TREML1: variants seen among roughly 807,000 people sequenced by gnomAD.
The protein encoded by TREML1 is triggering receptor expressed on myeloid cells like 1, also known as trem-like transcript 1 protein.
In TREML1, 27 loss-of-function variants were observed where a neutral mutation model predicts 22.8. That is an observed-to-expected ratio of 1.19 (90% CI 0.87 to 1.64). The LOEUF is 1.64. TREML1 is among the 40% of genes most tolerant of loss of function. The probability of loss-of-function intolerance (pLI) is 0.00; values close to 1 mark genes in which losing one functional copy is unlikely to be tolerated. For synonymous variants in TREML1, 153 were observed against 161.9 expected (o/e 0.94, Z 0.42); for missense variants, 356 against 382.0 (o/e 0.93, Z 0.57).
intron 2 of TREML1, 57 bp from the exon 3 acceptor site, chr6:41,151,441 G>A: frequency 1.3e-6 from 2 of 1,508,460 alleles, no homozygotes; most frequent in Non-Finnish European, 1.8e-6. Flanking sequence ...TGCCCATATG[G>A]GCAGGCTTCA....
rs1234264268 is a variant in TREML1, at chr6:41,149,932, A to C, written c.622-14T>G. 5.0e-6 allele frequency: 8 copies of C among 1,606,786 alleles called. No homozygotes were observed. The highest frequency in any genetic ancestry group is 6.8e-6 in the Non-Finnish European group (8 of 1,175,714). ...TGAGGAGGGATTCTGTAACAAAAGCAGGCAAGTCAGGAATGCCTCCCTCTG... is the reference window on the plus strand; with the variant it reads ...TGAGGAGGGATTCTGTAACAAAAGCCGGCAAGTCAGGAATGCCTCCCTCTG... On this transcript the variant is annotated splice_polypyrimidine_tract_variant and intron_variant, in intron 5 of 5. Transcript: ENST00000426005.
chr6:41,154,169 A>T, intron 1 of TREML1, 77 bp downstream of exon 1: 1 of 1,589,286 alleles, frequency 6.3e-7, no homozygotes, highest in Non-Finnish European at 8.6e-7. Context: ...TGGGTGTGGC[A>T]TTCACAATAA....
rs1448036323 is a variant in TREML1, at chr6:41,151,687, C to T, written c.377-303G>A. 2.2e-5 allele frequency: 9 copies of T among 401,088 alleles called. 1 individual carries two copies. Among genetic ancestry groups the T allele is most frequent in the South Asian group, 2.0e-4 (8 of 39,604 alleles). 24.8% of individuals were successfully genotyped at this position (401,088 alleles called of 1,614,324 possible). A position where few individuals can be genotyped will look rare whatever the true frequency, so the allele number is the denominator to read the frequency against. ...TTCTTCCCTTTTACCTGCTCTACCC[C>T]TCACCCCTCTGGCCTTATCAAGCTG... On this transcript the variant is annotated intron_variant, in intron 2 of 5. Transcript: ENST00000426005.
intron 5 of TREML1, 146 bp downstream of exon 5, chr6:41,150,115 T>C: frequency 2.9e-6 from 3 of 1,019,264 alleles, no homozygotes; most frequent in Non-Finnish European, 4.3e-6. Context: ...AGACCATTAG[T>C]GTCAAGTTTA....
chr6:41,154,414 A>C (rs1377177250), upstream of TREML1: 1 of 763,236 alleles, frequency 1.3e-6, no homozygotes, highest in African/African-American at 1.7e-5. Context: ...GGGCACCTCC[A>C]GGGGTGGGGA....
In TREML1 at chr6:41,154,317, G is replaced by T. The variant is rs372630277; in HGVS notation, c.-29C>A. On this transcript the variant is annotated 5_prime_UTR_variant, in exon 1 of 6. Transcript: ENST00000426005. ...TGGGCAGAGAAATGTCAACTCCTGG[G>T]CTTGCCTGGGCACTGATGCAGCATT... is the stretch of plus-strand genomic sequence containing the variant. 107 of 1,606,112 alleles carry T rather than the reference G, an allele frequency of 6.7e-5. 1 individual carries two copies. The highest frequency in any genetic ancestry group is 4.3e-6 in the Non-Finnish European group (5 of 1,173,096).
rs1484414252 is a variant in TREML1 at position 41,153,909 on chromosome 6, C to T, written c.225G>A (p.Arg75=). The T allele has an allele frequency of 6.2e-6, 10 of 1,614,100 alleles. No homozygotes were observed. The South Asian group carries it at 6.6e-5, about 11-fold the overall frequency. The part of the protein sequence containing the change: ...SAVDRRAPAG[R]RTFLTDLGGG... ...CACCCAGGTCTGTGAGAAACGTACG[C>T]CTGCCCGCTGGAGCTCTGCGATCCA... The change falls in exon 2 of 6, where the codon AGG becomes AGA. Residue 75 remains arginine (R), a synonymous_variant. Coordinates refer to ENST00000426005, the MANE Select transcript of TREML1 (RefSeq NM_178174.4).
chr6:41,150,410 C>A, intron 4 of TREML1, 97 bp from the exon 5 acceptor site: 3 of 1,134,638 alleles, frequency 2.6e-6, no homozygotes, highest in Non-Finnish European at 3.8e-6. Context: ...AACCTCTTCA[C>A]TACTGCAGAC....
intron 2 of TREML1, among the ~76,000 whole-genome samples, chr6:41,152,439 C>G (rs1265126374): frequency 6.6e-6 from 1 of 152,036 alleles, no homozygotes; most frequent in African/African-American, 2.4e-5. Flanking sequence ...AATTTAGTAA[C>G]TCAAAGTGTC....
Position 41,149,480 on chromosome 6 carries a change from T to G in TREML1, c.*124A>C. ...CACTTTCCCTAGTAAAGTTAGGACATTGGATTAGATCTTAAAGTCCCTGGT... is the reference window on the plus strand; with the variant it reads ...CACTTTCCCTAGTAAAGTTAGGACAGTGGATTAGATCTTAAAGTCCCTGGT... On this transcript the variant is annotated 3_prime_UTR_variant, in exon 6 of 6. Coordinates refer to ENST00000426005, the MANE Select transcript of TREML1 (RefSeq NM_178174.4). 2 of 1,083,096 alleles carry G rather than the reference T, an allele frequency of 1.8e-6. No homozygotes were observed. The highest frequency in any genetic ancestry group is 2.7e-6 in the Non-Finnish European group (2 of 747,082). The allele number at this position is 1,083,096 out of a possible 1,614,324, so 67.1% of individuals were successfully genotyped here.
chr6:41,154,419 T>G, upstream of TREML1: 1 of 744,024 alleles, frequency 1.3e-6, no homozygotes, highest in Admixed American at 2.3e-5. Flanking sequence ...CCTCCAGGGG[T>G]GGGGAAAGGG....
In TREML1 at chr6:41,154,033, A is replaced by G; in HGVS notation, c.101T>C (p.Ile34Thr). 6.2e-7 allele frequency: 1 copy of G among 1,614,132 alleles called. No individual in the cohort carries two copies. The change falls in exon 2 of 6, where the codon ATT becomes ACT. Residue 34 changes from isoleucine (I) to threonine (T), a missense_variant. Physicochemically the swap from Ile to Thr is moderately conservative, Grantham distance 89 (BLOSUM62 -1). Coordinates refer to ENST00000426005, the MANE Select transcript of TREML1 (RefSeq NM_178174.4). ...EVLQAPVGSS[I>T]LVQCHYRLQD... The stretch of plus-strand genomic sequence containing the variant: ...GAGCCTGTAGTGGCACTGCACCAGA[A>G]TGGAGCTTCCCACGGGTGCCTGCAG...
At chr6:41,151,692 C>A (rs1293716238) in intron 2 of TREML1, 2 of 376,748 alleles carry the variant, frequency 5.3e-6, no homozygotes, top group South Asian at 5.8e-5. Flanking sequence ...TACCCCTCAC[C>A]CCTCTGGCCT....
intron 2 of TREML1, among the ~76,000 whole-genome samples, chr6:41,152,956 A>T (rs978719487): frequency 1.3e-5 from 2 of 151,904 alleles, no homozygotes; most frequent in Non-Finnish European, 2.9e-5. Context: ...GAAAAGGAAG[A>T]CCTAAAGGTG....
At chr6:41,151,516 AAC>A (rs1362168074) in intron 2 of TREML1, 132 bp from the exon 3 acceptor site, 1 of 735,216 alleles carries the variant, frequency 1.4e-6, no homozygotes, top group Non-Finnish European at 2.3e-6. Flanking sequence ...CCCAGGAAGA[AAC>A]ACAGAAAGGG....
At position 41,153,963 on chromosome 6, in the gene TREML1, C is replaced by T. The variant is rs1765352696; in HGVS notation, c.171G>A (p.Glu57=). 6.2e-7 allele frequency: 1 copy of T among 1,614,056 alleles called. No individual in the cohort carries two copies. The highest frequency in any genetic ancestry group is 1.3e-5 in the African/African-American group (1 of 74,940). ...AQKVWCRFLP[E]GCQPLVSSAV... is the part of the protein sequence containing the mutation. ...CTGAGGACACCAGGGGCTGGCACCC[C>T]TCCGGCAAGAACCGGCACCACACCT... The change falls in exon 2 of 6, where the codon GAG becomes GAA. Residue 57 remains glutamate, a synonymous_variant. Transcript: ENST00000426005.
In TREML1 at chr6:41,149,735, G is replaced by A; in HGVS notation, c.805C>T (p.Pro269Ser). The A allele has an allele frequency of 1.9e-6, 3 of 1,614,208 alleles. No individual in the cohort carries two copies. Among genetic ancestry groups the A allele is most frequent in the Non-Finnish European group, 2.5e-6 (3 of 1,180,036 alleles). ...LPAPSSLPPL[P>S]PKVLVCSKPV... ...TTGGAGCAGACCAGGACCTTAGGAG[G>A]TAGAGGGGGCAATGAGGATGGAGCT... The change falls in exon 6 of 6, where the codon CCT becomes TCT. Residue 269 changes from proline to serine, a missense_variant. Transcript: ENST00000426005.
At chr6:41,151,465 G>A in intron 2 of TREML1, 81 bp from the exon 3 acceptor site, 1 of 1,311,258 alleles carries the variant, frequency 7.6e-7, no homozygotes, top group Non-Finnish European at 1.1e-6. Flanking sequence ...TCCTGTTGAG[G>A]TCTGAGGGAC....
Position 41,151,318 on chromosome 6 carries a change from C to A in TREML1, c.443G>T (p.Ser148Ile). 1.2e-6 allele frequency: 2 copies of A among 1,614,236 alleles called. No individual in the cohort carries two copies. The highest frequency in any genetic ancestry group is 1.7e-6 in the Non-Finnish European group (2 of 1,180,036). Residue 148 changes from serine (S) to isoleucine (I), a missense_variant, in exon 3 of 6, where the codon AGT (serine) becomes ATT (isoleucine). Ser to Ile is a moderately radical substitution (Grantham distance 142, BLOSUM62 -2). Transcript: ENST00000426005. The stretch of plus-strand genomic sequence containing the variant: ...CTGGCTGGGTTCCAAAGGGTTGGCA[C>A]TGCCTGCAGGGTCTGAGAATGCGTT... ...AENAFSDPAG[S>I]ANPLEPSQDE...
Sources: gnomAD v4.1 joint callset for allele counts (sites outside exome capture counted in the v4.1 genomes callset) on GRCh38, gnomAD v4.1.1 for gene constraint, MANE v1.5 for transcripts, NCBI Gene and HGNC (gene_info 2026-07-23, HGNC 2026-07-21) for gene names.